The following IBTK variants were observed in gnomAD, a reference collection of about 807,000 sequenced individuals.
The protein encoded by IBTK is BTK-binding protein.
IBTK carries 83 observed loss-of-function variants against 154.9 expected under a neutral mutation model. The ratio of observed to expected loss-of-function variants is 0.54; its 90% confidence interval spans 0.45 to 0.64. The LOEUF (loss-of-function observed/expected upper bound fraction) is 0.64. Ranked by LOEUF, IBTK falls within the 30% of genes least tolerant of loss-of-function variation. IBTK has a pLI of 0.00. For missense variants in IBTK, 1,332 were observed against 1,584.6 expected (o/e 0.84, Z 2.71); for synonymous variants, 515 against 536.1 (o/e 0.96, Z 0.54).
chr6:82,226,346 C>G (rs1251856678), intron 5 of IBTK, among the ~76,000 whole-genome samples: 2 of 152,054 alleles, frequency 1.3e-5, no homozygotes, highest in Non-Finnish European at 2.9e-5. Context: ...TTTAAAAGCA[C>G]CATTTAATAG....
chr6:82,184,372 T>A (rs2323642), intron 25 of IBTK, among the ~76,000 whole-genome samples: 39,205 of 152,106 alleles, frequency 0.26, 5,545 homozygotes, highest in East Asian at 0.46. Flanking sequence ...GAAATTGTTT[T>A]ATATTGTATG....
At chr6:82,215,679 T>C (rs1769841321) in intron 11 of IBTK, among the ~76,000 whole-genome samples, 1 of 145,350 alleles carries the variant, frequency 6.9e-6, no homozygotes, top group Non-Finnish European at 1.5e-5. Context: ...CCCAACTACT[T>C]GGGAGGCTGA....
intron 1 of IBTK, among the ~76,000 whole-genome samples, chr6:82,244,425 A>G (rs551848634): frequency 5.3e-5 from 8 of 152,174 alleles, no homozygotes; most frequent in Non-Finnish European, 8.8e-5. Context: ...TAAGGAGTCT[A>G]AAAGAGATCC....
At chr6:82,198,132 A>T (rs1010863227) in intron 21 of IBTK, among the ~76,000 whole-genome samples, 33 of 152,182 alleles carry the variant, frequency 2.2e-4, no homozygotes, top group Admixed American at 1.4e-3. Flanking sequence ...TTCATTACTA[A>T]TGTCTCTTCT....
At chr6:82,193,317 T>C (rs920182821) in intron 23 of IBTK, among the ~76,000 whole-genome samples, 1 of 152,146 alleles carries the variant, frequency 6.6e-6, no homozygotes, top group African/African-American at 2.4e-5. Context: ...ATCTATCTTG[T>C]AGACCAGGGT....
chr6:82,214,051 G>T (rs1431045746), intron 12 of IBTK, among the ~76,000 whole-genome samples, 176 bp downstream of exon 12: 1 of 152,082 alleles, frequency 6.6e-6, no homozygotes, highest in East Asian at 1.9e-4. Context: ...CGCCTCCCGG[G>T]TTCAGGCCAT....
intron 1 of IBTK, among the ~76,000 whole-genome samples, chr6:82,246,044 T>C (rs1214184932): frequency 6.6e-6 from 1 of 152,168 alleles, no homozygotes; most frequent in Non-Finnish European, 1.5e-5. Context: ...TCACTTTCAT[T>C]TTCTGATGAG....
At position 82,234,251 on chromosome 6, in the gene IBTK, C is replaced by T. The variant is rs1770631858; in HGVS notation, c.326G>A (p.Gly109Asp). 6.6e-7 allele frequency: 1 copy of T among 1,510,024 alleles called. No individual in the cohort carries two copies. The highest frequency in any genetic ancestry group is 9.0e-7 in the Non-Finnish European group (1 of 1,114,830). The allele number at this position is 1,510,024 out of a possible 1,614,324, so 93.5% of individuals were successfully genotyped here. Reference protein sequence around the residue: ...IDCVWSLLKHGVSLYIQDKEG... With the variant: ...IDCVWSLLKHDVSLYIQDKEG... ...TTTATCTTGAATATACAGACTAACACCATGCTAAAACAAACAAACAAACAA... is the reference window on the plus strand; with the variant it reads ...TTTATCTTGAATATACAGACTAACATCATGCTAAAACAAACAAACAAACAA... Residue 109 changes from glycine (G) to aspartate (D), a missense_variant, in exon 3 of 29, where the codon GGT becomes GAT. By Grantham distance (94) the Gly-to-Asp change is moderately conservative. Transcript: ENST00000306270.
At chr6:82,235,117 C>T (rs758624193) in intron 2 of IBTK, among the ~76,000 whole-genome samples, 3 of 152,072 alleles carry the variant, frequency 2.0e-5, no homozygotes, top group Non-Finnish European at 4.4e-5. Context: ...CCTCAGCCTC[C>T]CAAAGTGCTG....
chr6:82,243,710 T>A (rs998345257), intron 1 of IBTK, among the ~76,000 whole-genome samples: 4 of 152,216 alleles, frequency 2.6e-5, no homozygotes, highest in African/African-American at 9.6e-5. Flanking sequence ...TGTGGCAAAA[T>A]AGTTCATCCA....
chr6:82,225,705 T>C (rs1376414787), intron 5 of IBTK, 58 bp from the exon 6 acceptor site: 1 of 1,241,582 alleles, frequency 8.1e-7, no homozygotes, highest in Non-Finnish European at 1.1e-6. Flanking sequence ...GATATGCAAA[T>C]AGAATTTGAT....
At chr6:82,233,719 T>G (rs1022610149) in intron 3 of IBTK, among the ~76,000 whole-genome samples, 2 of 148,328 alleles carry the variant, frequency 1.3e-5, no homozygotes, top group African/African-American at 2.5e-5. Context: ...AAGTTTTTTT[T>G]TTTTTTTTTT....
At chr6:82,178,218 A>T (rs1282652606) in intron 26 of IBTK, among the ~76,000 whole-genome samples, 1 of 152,116 alleles carries the variant, frequency 6.6e-6, no homozygotes, top group Non-Finnish European at 1.5e-5. Context: ...ACTGTCATAA[A>T]CTCCATTGAG....
At chr6:82,191,947 T>TTATCATTTCAGTGAAGTTG in intron 23 of IBTK, 68 bp from the exon 24 acceptor site, 1 of 791,298 alleles carries the variant, frequency 1.3e-6, no homozygotes, top group Non-Finnish European at 2.1e-6. Flanking sequence ...CCAACTTCAC[T>TTATCATTTCAGTGAAGTTG]GAAATGATAA....
At chr6:82,214,112 C>T (rs1769766031) in intron 12 of IBTK, 115 bp downstream of exon 12, 2 of 1,018,384 alleles carry the variant, frequency 2.0e-6, no homozygotes. Flanking sequence ...CCCGCCACCA[C>T]ACCCGGCTAA....
chr6:82,214,641 C>T lies in IBTK; in HGVS notation c.1790G>A (p.Gly597Asp), dbSNP rs763146520. 1.2e-6 allele frequency: 2 copies of T among 1,613,878 alleles called. No individual in the cohort carries two copies. Among genetic ancestry groups the T allele is most frequent in the South Asian group, 1.1e-5 (1 of 91,076 alleles). The change falls in exon 12 of 29, where the codon GGT becomes GAT. Residue 597 changes from glycine (G) to aspartate (D), a missense_variant. By Grantham distance (94) the Gly-to-Asp change is moderately conservative. Around this residue, in one of 3 missense-constraint regions of IBTK, gnomAD observed 1,134 missense variants for 1,274.7 expected, o/e 0.89. Transcript: ENST00000306270. ...DFFQKLFLSD[G>D]NTSEFTDIYQ... Reference sequence around the variant, plus strand: ...AATATCTGTAAATTCTGAAGTATTACCATCTGAAAGAAACAATTTCTGAAA... The same window carrying T: ...AATATCTGTAAATTCTGAAGTATTATCATCTGAAAGAAACAATTTCTGAAA...
chr6:82,201,573 GA>G, intron 18 of IBTK, 91 bp from the exon 19 acceptor site: 1 of 806,238 alleles, frequency 1.2e-6, no homozygotes, highest in East Asian at 2.8e-5. Context: ...CATATTGCTA[GA>G]TAAGTAACAA....
At chr6:82,238,914 T>A (rs1211143681) in intron 2 of IBTK, among the ~76,000 whole-genome samples, 2 of 151,794 alleles carry the variant, frequency 1.3e-5, no homozygotes, top group African/African-American at 4.8e-5. Context: ...AATTTTTGTA[T>A]TTTTAGTAGA....
In IBTK at chr6:82,173,406, C is replaced by T; in HGVS notation, c.3758G>A (p.Gly1253Asp). Residue 1253 changes from glycine to aspartate, a missense_variant, in exon 27 of 29, where the codon GGC (glycine) becomes GAC (aspartate). Physicochemically the swap from Gly to Asp is moderately conservative, Grantham distance 94 (BLOSUM62 -1). Transcript: ENST00000306270. ...AAGTGGTAAATCTGAAATATGGTTGCCTTCTGGTCCTGGGGTACCATGGGT... is the reference window on the plus strand; with the variant it reads ...AAGTGGTAAATCTGAAATATGGTTGTCTTCTGGTCCTGGGGTACCATGGGT... ...CSTHGTPGPEGNHISDLPLLD... is the reference protein window; with the variant it reads ...CSTHGTPGPEDNHISDLPLLD... 1 of 1,613,578 alleles carries T rather than the reference C, an allele frequency of 6.2e-7. No individual in the cohort carries two copies. Among genetic ancestry groups the T allele is most frequent in the Non-Finnish European group, 8.5e-7 (1 of 1,179,674 alleles).
Sources: allele counts gnomAD v4.1 joint callset (sites outside exome capture counted in the v4.1 genomes callset), GRCh38; gene constraint gnomAD v4.1.1; regional missense constraint gnomAD v4.1.1; transcripts MANE v1.5; gene names NCBI Gene and HGNC (gene_info 2026-07-23, HGNC 2026-07-21).